The following DOCK2 variants were observed in gnomAD, a reference collection of about 807,000 sequenced individuals.
The protein encoded by DOCK2 is dedicator of cytokinesis protein 2.
In DOCK2, 87 loss-of-function variants were observed where a neutral mutation model predicts 248.9. The observed-to-expected ratio is 0.35, with a 90% CI of 0.29 to 0.42. The LOEUF is 0.42. Ranked by LOEUF, DOCK2 falls within the 10% of genes least tolerant of loss-of-function variation. DOCK2 has a pLI of 1.00. For missense variants in DOCK2, 1,747 were observed against 2,300.2 expected (o/e 0.76, Z 4.92); for synonymous variants, 805 against 821.6 (o/e 0.98, Z 0.35).
At chr5:169,711,797 A>T in intron 15 of DOCK2, 138 bp from the exon 16 acceptor site, 1 of 780,052 alleles carries the variant, frequency 1.3e-6, no homozygotes, top group Non-Finnish European at 2.1e-6. Context: ...ACAGTTCATC[A>T]GCCTCAATGG....
intron 27 of DOCK2, among the ~76,000 whole-genome samples, chr5:169,925,331 C>T (rs559603631): frequency 1.3e-5 from 2 of 152,178 alleles, no homozygotes; most frequent in East Asian, 1.9e-4. Flanking sequence ...GTAAGAGCAT[C>T]GTCTTGTTGA....
intron 27 of DOCK2, among the ~76,000 whole-genome samples, chr5:169,961,039 A>G (rs1777066088): frequency 6.6e-6 from 1 of 152,236 alleles, no homozygotes; most frequent in African/African-American, 2.4e-5. Context: ...GACTGTAACT[A>G]TCATGGTAAA....
At chr5:169,644,200 A>G (rs1248872110) in intron 1 of DOCK2, among the ~76,000 whole-genome samples, 1 of 152,070 alleles carries the variant, frequency 6.6e-6, no homozygotes, top group Non-Finnish European at 1.5e-5. Flanking sequence ...ACATTGCAGG[A>G]TTTGGAGTAG....
At chr5:169,638,193 A>C (rs1243252965) in intron 1 of DOCK2, among the ~76,000 whole-genome samples, 1 of 152,194 alleles carries the variant, frequency 6.6e-6, no homozygotes, top group Non-Finnish European at 1.5e-5. Context: ...CATCTCAGAG[A>C]TAAATATTTC....
rs1305100720 is a variant in DOCK2, at chr5:169,927,252, G to A, written c.2800-55816G>A. Among the ~76,000 whole-genome samples the A allele has an allele frequency of 4.6e-5, 7 of 152,306 alleles. No individual in the cohort carries two copies. In the East Asian group the frequency reaches 1.2e-3, roughly 25 times the overall value. ...AGCAGCTTCAGATGAATTCGGAGAG[G>A]TAGAAGCAGCCAGATCCTCTAGAGC... On this transcript the variant is annotated intron_variant, in intron 27 of 51. Transcript: ENST00000520908.
chr5:169,921,918 A>C lies in DOCK2; in HGVS notation c.2800-61150A>C, dbSNP rs144934178. On this transcript the variant is annotated intron_variant, in intron 27 of 51. Transcript: ENST00000520908. Reference sequence around the variant, plus strand: ...ACTGTGATAGCCCCTTGACAGTAGAAAGATGATCTTTTAAAAAAATGCTCC... The same window carrying C: ...ACTGTGATAGCCCCTTGACAGTAGACAGATGATCTTTTAAAAAAATGCTCC... Among the ~76,000 whole-genome samples, 833 of 152,350 alleles carry C rather than the reference A, an allele frequency of 5.5e-3. 8 individuals are homozygous for C. The highest frequency in any genetic ancestry group is 0.02 in the African/African-American group (811 of 41,582).
chr5:169,992,049 G>A (rs769969056), intron 29 of DOCK2, among the ~76,000 whole-genome samples: 12 of 152,162 alleles, frequency 7.9e-5, no homozygotes, highest in Admixed American at 1.3e-4. Flanking sequence ...ATGTCCCTGT[G>A]GACAGAACTG....
intron 27 of DOCK2, among the ~76,000 whole-genome samples, chr5:169,914,424 G>A (rs879875628): frequency 6.6e-6 from 1 of 152,288 alleles, no homozygotes; most frequent in South Asian, 2.1e-4. Context: ...GGGAATATCC[G>A]TGAACCAGAC....
At chr5:169,699,970 C>T (rs1279992626) in intron 12 of DOCK2, 44 bp from the exon 13 acceptor site, 1 of 1,610,130 alleles carries the variant, frequency 6.2e-7, no homozygotes, top group Non-Finnish European at 8.5e-7. Context: ...ACTGAGGGGT[C>T]ACTTGCAAAA....
chr5:169,807,953 G>C (rs1471707239), intron 26 of DOCK2, among the ~76,000 whole-genome samples: 1 of 151,162 alleles, frequency 6.6e-6, no homozygotes, highest in African/African-American at 2.4e-5. Context: ...TCATGGGATA[G>C]AAGGGACATG....
Position 169,948,831 on chromosome 5 carries a change from C to CT in DOCK2, c.2800-34227dup, listed in dbSNP as rs559522558. Among the ~76,000 whole-genome samples, 277 of 149,504 alleles carry CT rather than the reference C, an allele frequency of 1.9e-3. 5 individuals are homozygous for CT. The South Asian group carries it at 0.048, about 26-fold the overall frequency. Reference sequence around the variant, plus strand: ...GCCAGTTCCTCAGGATGGTTTGTCTCTTTTTTTTTTCTTCAGCTCCCCAGT... The same window carrying CT: ...GCCAGTTCCTCAGGATGGTTTGTCTCTTTTTTTTTTTCTTCAGCTCCCCAGT... On this transcript the variant is annotated intron_variant, in intron 27 of 51. Transcript: ENST00000520908.
chr5:169,707,623 T>C (rs1761348197), intron 14 of DOCK2, among the ~76,000 whole-genome samples: 1 of 152,184 alleles, frequency 6.6e-6, no homozygotes, highest in Non-Finnish European at 1.5e-5. Context: ...TATTGTGACC[T>C]GAACTGAGCC....
chr5:169,717,552 C>G, intron 21 of DOCK2, 68 bp downstream of exon 21: 1 of 1,404,242 alleles, frequency 7.1e-7, no homozygotes, highest in Admixed American at 1.7e-5. Flanking sequence ...GCCTAGGGCA[C>G]AGGAACTTGA....
At chr5:169,989,945 A>G (rs73800256) in intron 29 of DOCK2, among the ~76,000 whole-genome samples, 5,523 of 152,186 alleles carry the variant, frequency 0.036, 317 homozygotes, top group African/African-American at 0.13. Context: ...ACCTTTTCAT[A>G]TGGTAGTTCC....
At chr5:169,990,724 A>C (rs929786426) in intron 29 of DOCK2, among the ~76,000 whole-genome samples, 3 of 152,200 alleles carry the variant, frequency 2.0e-5, no homozygotes, top group Non-Finnish European at 4.4e-5. Context: ...TAACCAGTAG[A>C]ATCAACTACA....
chr5:169,666,011 G>T (rs1054163002), intron 2 of DOCK2, among the ~76,000 whole-genome samples: 5 of 152,138 alleles, frequency 3.3e-5, no homozygotes, highest in Non-Finnish European at 7.3e-5. Context: ...CCTCCAGAAT[G>T]CATGTCTAGT....
chr5:170,072,189 A>G (rs1044212040), intron 46 of DOCK2, among the ~76,000 whole-genome samples: 6 of 152,144 alleles, frequency 3.9e-5, no homozygotes, highest in Non-Finnish European at 7.4e-5. Context: ...TTCAGCTTTC[A>G]TAGGTACTGC....
chr5:169,911,099 G>T (rs1000119392), intron 27 of DOCK2, among the ~76,000 whole-genome samples: 3 of 152,060 alleles, frequency 2.0e-5, no homozygotes, highest in African/African-American at 4.8e-5. Context: ...AGTGACATCA[G>T]TTCTTTTCTA....
chr5:169,682,748 A>G (rs1282351500), intron 7 of DOCK2, among the ~76,000 whole-genome samples: 1 of 152,218 alleles, frequency 6.6e-6, no homozygotes, highest in Non-Finnish European at 1.5e-5. Flanking sequence ...TTGGATAAAC[A>G]TCGTGACAAT....
Sources: allele counts gnomAD v4.1 joint callset (sites outside exome capture counted in the v4.1 genomes callset), GRCh38; gene constraint gnomAD v4.1.1; transcripts MANE v1.5; gene names NCBI Gene and HGNC (gene_info 2026-07-23, HGNC 2026-07-21).